PIK3R5: variants seen among roughly 807,000 people sequenced by gnomAD.
The protein encoded by PIK3R5 is phosphoinositide-3-kinase regulatory subunit 5, also known as phosphoinositide 3-kinase regulatory subunit 5.
Under a neutral mutation model 94.9 loss-of-function variants are expected in PIK3R5, and 32 were observed. That is an observed-to-expected ratio of 0.34 (90% CI 0.25 to 0.45). The LOEUF (loss-of-function observed/expected upper bound fraction) is 0.45, where lower values mean the gene tolerates loss of function less well. Ranked by LOEUF, PIK3R5 falls within the 20% of genes least tolerant of loss-of-function variation. The pLI is 1.00. For missense variants in PIK3R5, 853 were observed against 1,144.6 expected (o/e 0.75, Z 3.68); for synonymous variants, 443 against 479.4 (o/e 0.92, Z 0.99).
chr17:8,953,244 C>A lies in PIK3R5; in HGVS notation c.-14+12352G>T, dbSNP rs534351311. 3.3e-5 allele frequency among the ~76,000 whole-genome samples: 5 copies of A among 152,284 alleles called. No homozygotes were observed. In the East Asian group the frequency reaches 9.6e-4, roughly 29 times the overall value. On this transcript the variant is annotated intron_variant, in intron 1 of 18. Transcript: ENST00000447110. ...TAGAACAGCCTTCTGAACCAACTCCCAAATGTCTCACATGCCTTGGACCTG... is the reference window on the plus strand; with the variant it reads ...TAGAACAGCCTTCTGAACCAACTCCAAAATGTCTCACATGCCTTGGACCTG...
rs1244077224 is a variant in PIK3R5, at chr17:8,925,947, A to G, written c.-13-14440T>C. Among the ~76,000 whole-genome samples the G allele has an allele frequency of 6.6e-6, 1 of 152,164 alleles. No homozygotes were observed. The highest frequency in any genetic ancestry group is 1.5e-5 in the Non-Finnish European group (1 of 68,032). ...GGAGAGGTCTGGGCTACAGCTCTCT[A>G]TTTGGGAGTTCACATGGTGCTGTGG... On this transcript the variant is annotated intron_variant, in intron 1 of 18. Transcript: ENST00000447110. The surrounding 1 kb of genome is among the most constrained non-coding windows in gnomAD (Gnocchi z 5.1).
chr17:8,894,756 G>A (rs1234085744), intron 5 of PIK3R5, among the ~76,000 whole-genome samples: 2 of 151,856 alleles, frequency 1.3e-5, no homozygotes, highest in Non-Finnish European at 2.9e-5. Flanking sequence ...GGGGTGGGTC[G>A]CCTTCTTGTC....
rs1228091177 is a variant in PIK3R5 at position 8,896,353 on chromosome 17, C to G, written c.413-2698G>C. On this transcript the variant is annotated intron_variant, in intron 5 of 18. Coordinates refer to ENST00000447110, the MANE Select transcript of PIK3R5 (RefSeq NM_001142633.3). The surrounding 1 kb of genome is among the most constrained non-coding windows in gnomAD (Gnocchi z 4.0). ...GAGCCTCAGATCCACAGACACCTCT[C>G]TCCCTTTGATCTTAGATCACACCCT... 4.6e-5 allele frequency among the ~76,000 whole-genome samples: 7 copies of G among 152,194 alleles called. No individual in the cohort carries two copies. Among genetic ancestry groups the G allele is most frequent in the Admixed American group, 3.9e-4 (6 of 15,292 alleles).
chr17:8,888,609 T>A lies in PIK3R5; in HGVS notation c.1178A>T (p.Glu393Val). 1.9e-6 allele frequency: 3 copies of A among 1,612,568 alleles called. No individual in the cohort carries two copies. Among genetic ancestry groups the A allele is most frequent in the Non-Finnish European group, 2.5e-6 (3 of 1,179,414 alleles). Residue 393 changes from glutamate to valine, a missense_variant, in exon 10 of 19, where the codon GAG becomes GTG. Physicochemically the swap from Glu to Val is moderately radical, Grantham distance 121. Coordinates refer to ENST00000447110, the MANE Select transcript of PIK3R5 (RefSeq NM_001142633.3). This position sits in a 1 kb window ranked among gnomAD's most constrained non-coding sequence, Gnocchi z 7.8. ...CTCGGAGGAGCTCTCCTCGCTGTCC[T>A]CCACGTAGCCGCTGTCCATGCCATC... ...LSDGMDSGYV[E>V]DSEESSSEWP...
chr17:8,888,404 G>A lies in PIK3R5; in HGVS notation c.1383C>T (p.Ser461=), dbSNP rs777802233. Residue 461 remains serine, a synonymous_variant, in exon 10 of 19, where the codon AGC becomes AGT. Coordinates refer to ENST00000447110, the MANE Select transcript of PIK3R5 (RefSeq NM_001142633.3). This position sits in a 1 kb window ranked among gnomAD's most constrained non-coding sequence, Gnocchi z 7.8. ...LPLRRAGSLC[S]PLDEPVSPPS... The stretch of plus-strand genomic sequence containing the variant: ...GGGGTGATACTGGTTCGTCCAGGGG[G>A]CTGCAGAGGCTCCCTGCCCGCCTCA... The A allele has an allele frequency of 1.8e-5, 28 of 1,584,380 alleles. No individual in the cohort carries two copies. The highest frequency in any genetic ancestry group is 2.2e-5 in the Non-Finnish European group (26 of 1,169,072).
Position 8,935,507 on chromosome 17 carries a change from G to A in PIK3R5, c.-13-24000C>T, listed in dbSNP as rs2091056534. On this transcript the variant is annotated intron_variant, in intron 1 of 18. Transcript: ENST00000447110. This position sits in a 1 kb window ranked among gnomAD's most constrained non-coding sequence, Gnocchi z 4.5. The stretch of plus-strand genomic sequence containing the variant: ...TTCCTTCCTTGTTTCCTCTGCCAGA[G>A]GCCAAAGGAAGAGATTCAGGTCAGA... 1.3e-5 allele frequency among the ~76,000 whole-genome samples: 2 copies of A among 152,162 alleles called. No homozygotes were observed. The highest frequency in any genetic ancestry group is 4.8e-5 in the African/African-American group (2 of 41,434).
rs377234033 is a variant in PIK3R5, at chr17:8,948,517, C to T, written c.-14+17079G>A. On this transcript the variant is annotated intron_variant, in intron 1 of 18. Coordinates refer to ENST00000447110, the MANE Select transcript of PIK3R5 (RefSeq NM_001142633.3). ...AAACTGGACAAAAGGCTTGAATAGA[C>T]GCTTCACAGAAGAGGGTGTCCAAAT... Among the ~76,000 whole-genome samples, 27 of 152,194 alleles carry T rather than the reference C, an allele frequency of 1.8e-4. No homozygotes were observed. In the South Asian group the frequency reaches 4.8e-3, roughly 27 times the overall value.
At chr17:8,937,464 T>C (rs1208337496) in intron 1 of PIK3R5, among the ~76,000 whole-genome samples, 1 of 152,230 alleles carries the variant, frequency 6.6e-6, no homozygotes, top group Non-Finnish European at 1.5e-5. Flanking sequence ...TATTGGACTT[T>C]ATCAAATGTT....
At chr17:8,934,418 T>C (rs2091037436) in intron 1 of PIK3R5, among the ~76,000 whole-genome samples, 1 of 152,182 alleles carries the variant, frequency 6.6e-6, no homozygotes, top group African/African-American at 2.4e-5. Flanking sequence ...GATAAATCAA[T>C]GAATACGTGG....
rs887461789 is a variant in PIK3R5 at position 8,893,432 on chromosome 17, G to A, written c.482+154C>T. Among the ~76,000 whole-genome samples the A allele has an allele frequency of 2.0e-5, 3 of 152,176 alleles. No homozygotes were observed. Among genetic ancestry groups the A allele is most frequent in the African/African-American group, 7.2e-5 (3 of 41,422 alleles). On this transcript the variant is annotated intron_variant, in intron 6 of 18. Transcript: ENST00000447110. This position sits in a 1 kb window ranked among gnomAD's most constrained non-coding sequence, Gnocchi z 5.1. The stretch of plus-strand genomic sequence containing the variant: ...AAAATATCACCAGCAGTGCCAGGGG[G>A]TTCCCAGTTCCCTGGAAGCCTGTTT...
intron 5 of PIK3R5, among the ~76,000 whole-genome samples, chr17:8,901,401 C>G (rs2090278494): frequency 6.6e-6 from 1 of 152,044 alleles, no homozygotes; most frequent in Non-Finnish European, 1.5e-5. Flanking sequence ...AGACAGCTGA[C>G]TGATGGGGGG....
chr17:8,959,371 G>C (rs564649014), intron 1 of PIK3R5, among the ~76,000 whole-genome samples: 1 of 152,356 alleles, frequency 6.6e-6, no homozygotes, highest in East Asian at 1.9e-4. Flanking sequence ...GAACTGCAGA[G>C]ATCCAAGAAG....
At chr17:8,962,996 TG>T (rs1231281710) in intron 1 of PIK3R5, among the ~76,000 whole-genome samples, 1 of 152,214 alleles carries the variant, frequency 6.6e-6, no homozygotes, top group Non-Finnish European at 1.5e-5. Flanking sequence ...TTTTATTTTT[TG>T]TTTTTGTAAA....
In PIK3R5 at chr17:8,879,470, G is replaced by C. The variant is rs895380990; in HGVS notation, c.*1169C>G. Reference sequence around the variant, plus strand: ...ATCCTCTGTTCTGGGATCTTGCCCAGGTGCCAGAAGAGTGCCAGTGAACTT... The same window carrying C: ...ATCCTCTGTTCTGGGATCTTGCCCACGTGCCAGAAGAGTGCCAGTGAACTT... On this transcript the variant is annotated 3_prime_UTR_variant, in exon 19 of 19. Transcript: ENST00000447110. The surrounding 1 kb of genome is among the most constrained non-coding windows in gnomAD (Gnocchi z 4.4). 1.3e-5 allele frequency: 2 copies of C among 152,240 alleles called. No individual in the cohort carries two copies. The highest frequency in any genetic ancestry group is 2.9e-5 in the Non-Finnish European group (2 of 68,084). The allele number at this position is 152,240 out of a possible 1,614,324, so 9.4% of individuals were successfully genotyped here.
At chr17:8,883,578 G>A (rs1257007799) in intron 15 of PIK3R5, among the ~76,000 whole-genome samples, 1 of 152,156 alleles carries the variant, frequency 6.6e-6, no homozygotes, top group Non-Finnish European at 1.5e-5. Context: ...TGCTGTGAGA[G>A]CACTCACCTC....
intron 14 of PIK3R5, among the ~76,000 whole-genome samples, 154 bp downstream of exon 14, chr17:8,886,075 A>C (rs1400659824): frequency 3.7e-4 from 32 of 85,730 alleles, no homozygotes; most frequent in Non-Finnish European, 4.4e-4. Flanking sequence ...CCATGGCCCC[A>C]CCTCCCGGTA....
chr17:8,937,208 A>C (rs1344452572), intron 1 of PIK3R5, among the ~76,000 whole-genome samples: 1 of 152,226 alleles, frequency 6.6e-6, no homozygotes, highest in Non-Finnish European at 1.5e-5. Context: ...TGGTGAACAG[A>C]AACTTCCTTC....
chr17:8,957,509 A>T (rs564876733), intron 1 of PIK3R5, among the ~76,000 whole-genome samples: 1 of 152,312 alleles, frequency 6.6e-6, no homozygotes, highest in African/African-American at 2.4e-5. Context: ...CTTCTTAATT[A>T]CTTCATATTC....
intron 1 of PIK3R5, among the ~76,000 whole-genome samples, chr17:8,931,100 A>G (rs1363867929): frequency 6.6e-6 from 1 of 152,236 alleles, no homozygotes; most frequent in Non-Finnish European, 1.5e-5. Context: ...TTATCTCAAG[A>G]TGTAAAAGTC....
Sources: allele counts gnomAD v4.1 joint callset (sites outside exome capture counted in the v4.1 genomes callset), GRCh38; gene constraint gnomAD v4.1.1; non-coding constraint Gnocchi (gnomAD v3.1); transcripts MANE v1.5; gene names NCBI Gene and HGNC (gene_info 2026-07-23, HGNC 2026-07-21).